ZNF584: variants seen among roughly 807,000 people sequenced by gnomAD.
ZNF584 encodes the protein zinc finger protein 584.
A neutral mutation model predicts 14.7 loss-of-function variants in ZNF584; 12 were observed. The observed-to-expected ratio is 0.82, with a 90% CI of 0.52 to 1.32. ZNF584 has a LOEUF of 1.32. Ranked by LOEUF, ZNF584 falls within the 40% of genes most tolerant of loss-of-function variation. ZNF584 has a pLI of 0.00. For missense variants in ZNF584, 478 were observed against 518.8 expected (o/e 0.92, Z 0.76); for synonymous variants, 204 against 190.9 (o/e 1.07, Z -0.57).
chr19:58,415,782 A>C, intron 3 of ZNF584, 136 bp downstream of exon 3: 4 of 1,610,634 alleles, frequency 2.5e-6, no homozygotes, highest in East Asian at 4.5e-5. Context: ...TCTTATGTGG[A>C]CACTGTGCAG....
intron 3 of ZNF584, chr19:58,415,857 A>G (rs759448729): frequency 3.1e-6 from 5 of 1,599,596 alleles, no homozygotes; most frequent in Non-Finnish European, 3.4e-6. Flanking sequence ...GCGTCTCCTC[A>G]TTGCCCTTCT....
At chr19:58,407,007 GAGAA>G (rs906813229), upstream of ZNF584, 1 of 152,550 alleles carries the variant, frequency 6.6e-6, no homozygotes, top group African/African-American at 2.4e-5. Context: ...ACTAAGGAGA[GAGAA>G]AGGGACACAG....
chr19:58,409,090 G>C lies in ZNF584; in HGVS notation c.-58G>C. 6.8e-7 allele frequency: 1 copy of C among 1,460,174 alleles called. No homozygotes were observed. The highest frequency in any genetic ancestry group is 9.1e-7 in the Non-Finnish European group (1 of 1,095,698). The allele number at this position is 1,460,174 out of a possible 1,614,324, so 90.5% of individuals were successfully genotyped here. A position where few individuals can be genotyped will look rare whatever the true frequency, so the allele number is the denominator to read the frequency against. On this transcript the variant is annotated 5_prime_UTR_variant, in exon 1 of 4. Transcript: ENST00000306910. ...ACGGCGGCCGAGGGTTTCCGCGCCC[G>C]GGACGCGTTTCGGCTGAGGCCGTGG...
chr19:58,410,665 GTATATATGTGTATATATA>G (rs1568584867), intron 2 of ZNF584, among the ~76,000 whole-genome samples: 9 of 10,380 alleles, frequency 8.7e-4, no homozygotes, highest in African/African-American at 6.0e-3. Context: ...GTGTATATAT[GTATATATGTGTATATATA>G]TGTATATATG....
Position 58,417,252 on chromosome 19 carries a change from G to A in ZNF584, c.734G>A (p.Ser245Asn). The stretch of plus-strand genomic sequence containing the variant: ...ACAGGCATAAAACCTTTTAAGTGTA[G>A]TGACTGTGGTAAAACCTTCAACCGC... ...VHTGIKPFKC[S>N]DCGKTFNRKD... Residue 245 changes from serine to asparagine, a missense_variant, in exon 4 of 4, where the codon AGT (serine) becomes AAT (asparagine). Transcript: ENST00000306910. The A allele has an allele frequency of 6.2e-7, 1 of 1,614,190 alleles. No homozygotes were observed. The highest frequency in any genetic ancestry group is 8.5e-7 in the Non-Finnish European group (1 of 1,180,040).
chr19:58,412,241 C>T (rs530886953), intron 2 of ZNF584, among the ~76,000 whole-genome samples: 4 of 120,804 alleles, frequency 3.3e-5, no homozygotes, highest in South Asian at 2.6e-4. Flanking sequence ...CTCGCTCTGT[C>T]GCCCAGGCCG....
chr19:58,409,153 C>T lies in ZNF584; in HGVS notation c.6C>T (p.Ala2=), dbSNP rs766029261. Residue 2 remains alanine (A), a synonymous_variant, in exon 1 of 4, where the codon GCC becomes GCT. Transcript: ENST00000306910. ...GGTTCTGCCCGCACGGTCCAATGGC[C>T]GGGGAGGCGGAGGTGAGCAGAGGAT... M[A]GEAEAQLDPS... 11 of 1,444,226 alleles carry T rather than the reference C, an allele frequency of 7.6e-6. No homozygotes were observed. The highest frequency in any genetic ancestry group is 1.0e-5 in the Non-Finnish European group (11 of 1,091,228). 89.5% of individuals were successfully genotyped at this position (1,444,226 alleles called of 1,614,324 possible). A position where few individuals can be genotyped will look rare whatever the true frequency, so the allele number is the denominator to read the frequency against.
upstream of ZNF584, chr19:58,406,843 G>A (rs2052477584): frequency 1.3e-5 from 2 of 152,494 alleles, no homozygotes; most frequent in Middle Eastern, 3.4e-3. Flanking sequence ...CAGGGGTACT[G>A]ATGACAGGCA....
At chr19:58,412,675 G>A (rs1343026993) in intron 2 of ZNF584, among the ~76,000 whole-genome samples, 1 of 152,208 alleles carries the variant, frequency 6.6e-6, no homozygotes, top group Admixed American at 6.5e-5. Flanking sequence ...GATGAGTTGG[G>A]AATGTTTCCT....
intron 2 of ZNF584, among the ~76,000 whole-genome samples, chr19:58,411,762 G>C (rs377503058): frequency 1.3e-5 from 2 of 150,734 alleles, no homozygotes; most frequent in Admixed American, 6.6e-5. Flanking sequence ...TCCTGCCTCA[G>C]CCTCCCAAGT....
intron 2 of ZNF584, among the ~76,000 whole-genome samples, chr19:58,411,875 C>T (rs1383968270): frequency 6.6e-6 from 1 of 151,602 alleles, no homozygotes; most frequent in East Asian, 2.0e-4. Context: ...ATCTCTTGAC[C>T]TCGTGATCTG....
upstream of ZNF584, chr19:58,404,441 G>A (rs543589230): frequency 6.4e-6 from 1 of 155,336 alleles, no homozygotes; most frequent in Non-Finnish European, 1.4e-5. Context: ...GACTCTTAAG[G>A]AGCATGCTGC....
At chr19:58,414,835 CTG>C (rs1285371347) in intron 2 of ZNF584, among the ~76,000 whole-genome samples, 1 of 151,772 alleles carries the variant, frequency 6.6e-6, no homozygotes, top group African/African-American at 2.4e-5. Flanking sequence ...GCTGAACAGT[CTG>C]TTTCTTCAGT....
At chr19:58,401,933 G>A (rs1473286486) in intron 1 of ZNF584, among the ~76,000 whole-genome samples, 1 of 146,242 alleles carries the variant, frequency 6.8e-6, no homozygotes, top group Non-Finnish European at 1.5e-5. Context: ...GCCGGACGTG[G>A]TGGCGGGCGC....
chr19:58,410,542 T>TTTTTTTTTTTTTTTTTTTTTTTTGAGAC lies in ZNF584; in HGVS notation c.169+451_169+452insTTTTTTTTTTTTTTTTTTTTTTTGAGAC, dbSNP rs1568584343. 2.6e-3 allele frequency among the ~76,000 whole-genome samples: 40 copies of TTTTTTTTTTTTTTTTTTTTTTTTGAGAC among 15,378 alleles called. 7 individuals are homozygous for TTTTTTTTTTTTTTTTTTTTTTTTGAGAC. Among genetic ancestry groups the TTTTTTTTTTTTTTTTTTTTTTTTGAGAC allele is most frequent in the Admixed American group, 4.8e-3 (7 of 1,468 alleles). 10.1% of individuals were successfully genotyped at this position (15,378 alleles called of 152,430 possible). A position where few individuals can be genotyped will look rare whatever the true frequency, so the allele number is the denominator to read the frequency against. On this transcript the variant is annotated intron_variant, in intron 2 of 3. Transcript: ENST00000306910. The stretch of plus-strand genomic sequence containing the variant: ...AAATATATATATATATATATATATA[T>TTTTTTTTTTTTTTTTTTTTTTTTGAGAC]ATATATATATATATATGTGTATATA...
upstream of ZNF584, chr19:58,408,220 T>G (rs1191484644): frequency 1.3e-5 from 2 of 152,286 alleles, no homozygotes; most frequent in Admixed American, 1.3e-4. Context: ...GGGAGAGAAT[T>G]TCGGGGCGGT....
At chr19:58,412,258 G>A (rs1336783401) in intron 2 of ZNF584, among the ~76,000 whole-genome samples, 8 of 138,250 alleles carry the variant, frequency 5.8e-5, no homozygotes, top group African/African-American at 1.7e-4. Context: ...GCCGGACTGC[G>A]GACTGCAGTG....
chr19:58,413,652 C>G (rs1267881197), intron 2 of ZNF584, among the ~76,000 whole-genome samples: 1 of 149,064 alleles, frequency 6.7e-6, no homozygotes, highest in African/African-American at 2.5e-5. Flanking sequence ...GTCCACCACA[C>G]CTGGCTAATT....
intron 1 of ZNF584, among the ~76,000 whole-genome samples, chr19:58,402,095 G>T (rs963126667): frequency 1.3e-5 from 2 of 151,862 alleles, no homozygotes; most frequent in Non-Finnish European, 1.5e-5. Flanking sequence ...TTTTTTAAAT[G>T]CAGTCAAATT....
Sources: gnomAD v4.1 joint callset for allele counts (sites outside exome capture counted in the v4.1 genomes callset) on GRCh38, gnomAD v4.1.1 for gene constraint, MANE v1.5 for transcripts, NCBI Gene and HGNC (gene_info 2026-07-23, HGNC 2026-07-21) for gene names.